SH2D4B: variants seen among roughly 807,000 people sequenced by gnomAD.
The protein encoded by SH2D4B is SH2 domain-containing protein 4B.
Under a neutral mutation model 61.5 loss-of-function variants are expected in SH2D4B, and 45 were observed. The observed-to-expected ratio is 0.73, with a 90% CI of 0.58 to 0.94. The LOEUF (loss-of-function observed/expected upper bound fraction) is 0.94, where lower values mean the gene tolerates loss of function less well. Ranked by LOEUF, SH2D4B falls within the 40% of genes least tolerant of loss-of-function variation. SH2D4B has a pLI of 0.00. For missense variants in SH2D4B, 572 were observed against 574.2 expected, an observed-to-expected ratio of 1.00 and a Z score of 0.04; for synonymous variants, 224 against 220.4, an observed-to-expected ratio of 1.02 and a Z score of -0.14.
At chr10:80,627,437 A>G (rs951104814) in intron 6 of SH2D4B, among the ~76,000 whole-genome samples, 6 of 152,016 alleles carry the variant, frequency 3.9e-5, no homozygotes, top group Non-Finnish European at 8.8e-5. Flanking sequence ...TCCAGCCACA[A>G]AGAGCCACTT....
At chr10:80,621,907 G>C (rs1260041807) in intron 6 of SH2D4B, among the ~76,000 whole-genome samples, 1 of 152,128 alleles carries the variant, frequency 6.6e-6, no homozygotes, top group Non-Finnish European at 1.5e-5. Flanking sequence ...ATTTTTAGTA[G>C]AGATGGGGTT....
At chr10:80,573,635 GTTAC>G (rs1469032366) in intron 3 of SH2D4B, among the ~76,000 whole-genome samples, 1 of 152,110 alleles carries the variant, frequency 6.6e-6, no homozygotes, top group South Asian at 2.1e-4. Flanking sequence ...ATTCTTACTT[GTTAC>G]TTACTTGTGG....
intron 6 of SH2D4B, among the ~76,000 whole-genome samples, chr10:80,629,922 C>T (rs545160275): frequency 6.6e-6 from 1 of 152,268 alleles, no homozygotes; most frequent in East Asian, 1.9e-4. Context: ...GCTGCAGAAT[C>T]CCTGCCAATG....
chr10:80,547,660 A>T (rs949665979), intron 1 of SH2D4B, among the ~76,000 whole-genome samples: 2 of 152,166 alleles, frequency 1.3e-5, no homozygotes, highest in African/African-American at 4.8e-5. Flanking sequence ...TTCTTTTGTT[A>T]AGAAAACACT....
chr10:80,621,170 A>G (rs976884999), intron 6 of SH2D4B, among the ~76,000 whole-genome samples: 1 of 152,260 alleles, frequency 6.6e-6, no homozygotes, highest in Non-Finnish European at 1.5e-5. Flanking sequence ...ACATTTGACA[A>G]TATCTGAAGA....
In SH2D4B at chr10:80,538,426, G is replaced by A. The variant is rs752517946; in HGVS notation, c.95G>A (p.Arg32Gln). The part of the protein sequence containing the change: ...VQKHILFYKM[R>Q]EEQLRRWKER... ...AAGCACATCCTCTTCTACAAAATGCGGGAGGAGCAGCTGAGGCGCTGGAAG... is the reference window on the plus strand; with the variant it reads ...AAGCACATCCTCTTCTACAAAATGCAGGAGGAGCAGCTGAGGCGCTGGAAG... Residue 32 changes from arginine (R) to glutamine (Q), a missense_variant, in exon 1 of 8, where the codon CGG (arginine) becomes CAG (glutamine). Transcript: ENST00000646907. The surrounding 1 kb of genome is among the most constrained non-coding windows in gnomAD (Gnocchi z 4.8). 9.4e-6 allele frequency: 14 copies of A among 1,495,154 alleles called. No individual in the cohort carries two copies. The highest frequency in any genetic ancestry group is 4.9e-5 in the Admixed American group (2 of 40,664). 92.6% of individuals were successfully genotyped at this position (1,495,154 alleles called of 1,614,324 possible). A position where few individuals can be genotyped will look rare whatever the true frequency, so the allele number is the denominator to read the frequency against.
intron 6 of SH2D4B, among the ~76,000 whole-genome samples, chr10:80,611,799 T>A (rs553020337): frequency 3.4e-5 from 5 of 145,336 alleles, no homozygotes; most frequent in South Asian, 2.1e-4. Context: ...TTTTTTTTTT[T>A]AAAAGGTAAC....
chr10:80,589,724 C>T (rs1842304526), intron 4 of SH2D4B, among the ~76,000 whole-genome samples: 1 of 152,048 alleles, frequency 6.6e-6, no homozygotes, highest in Non-Finnish European at 1.5e-5. Flanking sequence ...GGTGGGTCTG[C>T]AGAAGAGGTG....
intron 1 of SH2D4B, among the ~76,000 whole-genome samples, chr10:80,548,636 G>T (rs576047775): frequency 6.6e-6 from 1 of 152,334 alleles, no homozygotes; most frequent in African/African-American, 2.4e-5. Flanking sequence ...AATTAAAAAT[G>T]CTTCTTCAAC....
intron 1 of SH2D4B, among the ~76,000 whole-genome samples, chr10:80,566,319 C>A (rs192746001): frequency 6.9e-6 from 1 of 145,588 alleles, no homozygotes; most frequent in African/African-American, 2.5e-5. Flanking sequence ...TTTTTGAGAC[C>A]GAGTCTCACT....
At position 80,570,322 on chromosome 10, in the gene SH2D4B, G is replaced by A. The variant is rs1842025740; in HGVS notation, c.347+6G>A. The A allele has an allele frequency of 6.2e-7, 1 of 1,611,992 alleles. No individual in the cohort carries two copies. Among genetic ancestry groups the A allele is most frequent in the Non-Finnish European group, 8.5e-7 (1 of 1,179,740 alleles). On this transcript the variant is annotated splice_donor_region_variant and intron_variant, in intron 2 of 7. Coordinates refer to ENST00000646907, the MANE Select transcript of SH2D4B (RefSeq NM_001388272.1). ...AGGGAAGCTGAGGAGCTCTGGTGAG[G>A]GGTGCTATGGGGTGTTGGGTGGGGC...
rs140066007 is a variant in SH2D4B at position 80,560,978 on chromosome 10, T to C, written c.185-9176T>C. Among the ~76,000 whole-genome samples the C allele has an allele frequency of 1.8e-4, 28 of 152,322 alleles. No homozygotes were observed. The East Asian group carries it at 4.4e-3, about 24-fold the overall frequency. ...CACTCTCGATAAAATCAATGATGGT[T>C]TCATTCCTTGGTGAAACAGTAAACT... On this transcript the variant is annotated intron_variant, in intron 1 of 7. Transcript: ENST00000646907.
intron 5 of SH2D4B, among the ~76,000 whole-genome samples, chr10:80,604,378 G>A (rs533580562): frequency 1.3e-5 from 2 of 152,306 alleles, no homozygotes; most frequent in South Asian, 4.1e-4. Context: ...GGAGGTTGCA[G>A]GGAACCTCTC....
chr10:80,563,325 G>A (rs1241508014), intron 1 of SH2D4B, among the ~76,000 whole-genome samples: 2 of 152,148 alleles, frequency 1.3e-5, no homozygotes, highest in Admixed American at 1.3e-4. Context: ...AGTTGTTTGA[G>A]TCCTTATATA....
chr10:80,612,198 T>TTTTTTTTTTTTTTTTTTTTTTTTC (rs59848195), intron 6 of SH2D4B, among the ~76,000 whole-genome samples: 1 of 125,206 alleles, frequency 8.0e-6, no homozygotes, highest in Non-Finnish European at 1.6e-5. Context: ...TTTTTTTTTT[T>TTTTTTTTTTTTTTTTTTTTTTTTC]CAACTTTACT....
At chr10:80,562,066 T>C (rs1841908190) in intron 1 of SH2D4B, among the ~76,000 whole-genome samples, 2 of 143,416 alleles carry the variant, frequency 1.4e-5, no homozygotes, top group Admixed American at 6.8e-5. Flanking sequence ...CACACACATA[T>C]ATAAAAATTC....
intron 1 of SH2D4B, among the ~76,000 whole-genome samples, chr10:80,552,967 G>A (rs1841782592): frequency 6.6e-6 from 1 of 151,986 alleles, no homozygotes; most frequent in South Asian, 2.1e-4. Context: ...CCAGGCTGGA[G>A]TACAATGGCA....
At chr10:80,610,284 A>G (rs958029068) in intron 6 of SH2D4B, among the ~76,000 whole-genome samples, 3 of 152,128 alleles carry the variant, frequency 2.0e-5, no homozygotes, top group African/African-American at 7.2e-5. Flanking sequence ...TTTCCTGGAC[A>G]GAGTGTGCCC....
At chr10:80,637,292 A>G (rs1300857673) in intron 7 of SH2D4B, among the ~76,000 whole-genome samples, 1 of 152,162 alleles carries the variant, frequency 6.6e-6, no homozygotes, top group Non-Finnish European at 1.5e-5. Flanking sequence ...GTTCCATATG[A>G]ACTTTAAAGT....
Sources: gnomAD v4.1 joint callset for allele counts (sites outside exome capture counted in the v4.1 genomes callset) on GRCh38, gnomAD v4.1.1 for gene constraint, Gnocchi (gnomAD v3.1) non-coding constraint, MANE v1.5 for transcripts, NCBI Gene and HGNC (gene_info 2026-07-23, HGNC 2026-07-21) for gene names.